The following EPHA6 variants were observed in gnomAD, a reference collection of about 807,000 sequenced individuals.
EPHA6 encodes EPH receptor A6.
In EPHA6, 50 loss-of-function variants were observed where a neutral mutation model predicts 112.0. The observed-to-expected ratio is 0.45, with a 90% CI of 0.36 to 0.56. The LOEUF (loss-of-function observed/expected upper bound fraction) is 0.56. EPHA6 is among the 20% of genes least tolerant of loss of function. EPHA6 has a pLI of 0.00. For synonymous variants in EPHA6, 529 were observed against 490.7 expected (o/e 1.08, Z -1.03); for missense variants, 1,280 against 1,417.4 (o/e 0.90, Z 1.56).
At chr3:97,490,518 G>A (rs964836160) in intron 10 of EPHA6, among the ~76,000 whole-genome samples, 6 of 151,872 alleles carry the variant, frequency 4.0e-5, no homozygotes, top group Non-Finnish European at 5.9e-5. Context: ...TTTTCTTCTA[G>A]TTTGTGTATT....
At chr3:97,193,667 A>G (rs2077366018) in intron 3 of EPHA6, among the ~76,000 whole-genome samples, 1 of 151,870 alleles carries the variant, frequency 6.6e-6, no homozygotes, top group Non-Finnish European at 1.5e-5. Context: ...GACTTGCAGT[A>G]TTATGTTCAG....
At chr3:97,086,838 C>T (rs1460832612) in intron 3 of EPHA6, among the ~76,000 whole-genome samples, 1 of 143,858 alleles carries the variant, frequency 7.0e-6, no homozygotes, top group African/African-American at 3.0e-5. Flanking sequence ...AAAGAATGTA[C>T]TAATCTATAA....
chr3:97,307,044 G>C (rs1048439444), intron 5 of EPHA6, among the ~76,000 whole-genome samples: 2 of 151,672 alleles, frequency 1.3e-5, no homozygotes, highest in Admixed American at 6.6e-5. Context: ...GAGCTATGAA[G>C]TATTTGTTAT....
At chr3:97,661,902 C>G (rs1344083600) in intron 14 of EPHA6, among the ~76,000 whole-genome samples, 5 of 152,140 alleles carry the variant, frequency 3.3e-5, no homozygotes, top group African/African-American at 1.2e-4. Context: ...TATACAAAAT[C>G]TGCACAGCTC....
intron 3 of EPHA6, among the ~76,000 whole-genome samples, chr3:97,211,015 T>C (rs2077858722): frequency 6.6e-6 from 1 of 152,164 alleles, no homozygotes; most frequent in Non-Finnish European, 1.5e-5. Flanking sequence ...ACATGGGTAG[T>C]TTCTAAAAGT....
chr3:97,150,122 G>C (rs2076136705), intron 3 of EPHA6, among the ~76,000 whole-genome samples: 1 of 151,808 alleles, frequency 6.6e-6, no homozygotes, highest in South Asian at 2.1e-4. Flanking sequence ...GTGTTGAGAA[G>C]ATGTAATATA....
chr3:97,139,786 G>A (rs544856763), intron 3 of EPHA6, among the ~76,000 whole-genome samples: 4 of 152,228 alleles, frequency 2.6e-5, no homozygotes, highest in East Asian at 3.9e-4. Context: ...TCAGTGTTGC[G>A]ACACCCCCAA....
chr3:97,647,418 C>T (rs370740384), intron 14 of EPHA6, among the ~76,000 whole-genome samples: 87 of 152,036 alleles, frequency 5.7e-4, no homozygotes, highest in African/African-American at 2.0e-3. Flanking sequence ...ATACATCAAG[C>T]TTTTTCAAAG....
intron 11 of EPHA6, among the ~76,000 whole-genome samples, chr3:97,538,533 G>T (rs1026781532): frequency 6.6e-5 from 10 of 152,214 alleles, no homozygotes; most frequent in African/African-American, 2.4e-4. Context: ...GAACTCGATA[G>T]ATGGCTGATG....
Position 97,549,980 on chromosome 3 carries a change from C to T in EPHA6, c.2386+17437C>T, listed in dbSNP as rs540034396. Reference sequence around the variant, plus strand: ...GAGTCTGTGAGTGTTCATGTAAAAGCAGCTGAAGAATTTTTGAAAACTCTA... The same window carrying T: ...GAGTCTGTGAGTGTTCATGTAAAAGTAGCTGAAGAATTTTTGAAAACTCTA... On this transcript the variant is annotated intron_variant, in intron 11 of 17. Transcript: ENST00000389672. Among the ~76,000 whole-genome samples the T allele has an allele frequency of 2.6e-5, 4 of 152,196 alleles. No individual in the cohort carries two copies. In the South Asian group the frequency reaches 6.2e-4, roughly 24 times the overall value.
intron 3 of EPHA6, among the ~76,000 whole-genome samples, chr3:96,993,490 C>A (rs868537156): frequency 6.6e-6 from 1 of 152,052 alleles, no homozygotes. Flanking sequence ...GCCTCGGCCT[C>A]CCAAACTGCT....
At chr3:97,114,414 G>C (rs866057978) in intron 3 of EPHA6, among the ~76,000 whole-genome samples, 1 of 151,974 alleles carries the variant, frequency 6.6e-6, no homozygotes, top group Middle Eastern at 3.4e-3. Context: ...TTATACATTA[G>C]CATTACCTGA....
intron 1 of EPHA6, among the ~76,000 whole-genome samples, chr3:96,829,158 G>A (rs138318147): frequency 5.4e-4 from 82 of 152,142 alleles, no homozygotes; most frequent in African/African-American, 1.9e-3. Flanking sequence ...AAGATCATCT[G>A]TTTATCAAGA....
Position 97,539,261 on chromosome 3 carries a change from C to T in EPHA6, c.2386+6718C>T, listed in dbSNP as rs368440258. 7.5e-4 allele frequency among the ~76,000 whole-genome samples: 114 copies of T among 151,520 alleles called. 3 individuals are homozygous for T. In the South Asian group the frequency reaches 0.022, roughly 29 times the overall value. ...CTCCCTGGTTCAAGCAATTCTCCTG[C>T]GGCAGCCTCCTGAGTAGCTGGGACT... On this transcript the variant is annotated intron_variant, in intron 11 of 17. Transcript: ENST00000389672.
chr3:97,520,224 C>T (rs1478279484), intron 10 of EPHA6, among the ~76,000 whole-genome samples: 1 of 152,108 alleles, frequency 6.6e-6, no homozygotes, highest in Non-Finnish European at 1.5e-5. Flanking sequence ...ACCTCAGCCT[C>T]CCAAAGTGCT....
At chr3:96,841,481 G>C (rs1408943590) in intron 1 of EPHA6, among the ~76,000 whole-genome samples, 1 of 151,996 alleles carries the variant, frequency 6.6e-6, no homozygotes, top group Non-Finnish European at 1.5e-5. Context: ...TTTGTGGTTG[G>C]GAAAGGCCAT....
intron 11 of EPHA6, among the ~76,000 whole-genome samples, chr3:97,544,247 T>A (rs990439126): frequency 2.6e-5 from 4 of 152,174 alleles, no homozygotes; most frequent in Non-Finnish European, 4.4e-5. Context: ...ATAGCTCTTA[T>A]TATTTTGAGA....
At chr3:97,200,306 T>G (rs2077546930) in intron 3 of EPHA6, among the ~76,000 whole-genome samples, 1 of 152,042 alleles carries the variant, frequency 6.6e-6, no homozygotes, top group African/African-American at 2.4e-5. Flanking sequence ...AATTGGCAAG[T>G]CCGGGAATCA....
At chr3:97,276,622 G>T (rs2080091370) in intron 5 of EPHA6, among the ~76,000 whole-genome samples, 2 of 152,144 alleles carry the variant, frequency 1.3e-5, no homozygotes, top group Non-Finnish European at 2.9e-5. Context: ...TCCTGTTGCG[G>T]GGTTTGATGG....
Sources: gnomAD v4.1 joint callset for allele counts (sites outside exome capture counted in the v4.1 genomes callset) on GRCh38, gnomAD v4.1.1 for gene constraint, MANE v1.5 for transcripts, NCBI Gene and HGNC (gene_info 2026-07-23, HGNC 2026-07-21) for gene names.